Variants in PIGF observed in about 807,000 individuals in gnomAD.
The protein encoded by PIGF is GPI ethanolamine phosphate transferase, stabilizing subunit.
In PIGF, 23 loss-of-function variants were observed where a neutral mutation model predicts 26.0. The ratio of observed to expected loss-of-function variants is 0.88; its 90% CI spans 0.64 to 1.25. The LOEUF (loss-of-function observed/expected upper bound fraction) is 1.25. Ranked by LOEUF, PIGF falls within the 50% of genes most tolerant of loss-of-function variation. PIGF has a pLI of 0.00. For missense variants in PIGF, 278 were observed against 249.9 expected (o/e 1.11, Z -0.76); for synonymous variants, 93 against 92.6 (o/e 1.00, Z -0.03).
chr2:46,616,870 CG>C (rs1670655678), intron 1 of PIGF, 99 bp downstream of exon 1: 2 of 316,448 alleles, frequency 6.3e-6, no homozygotes, highest in African/African-American at 2.2e-5. Flanking sequence ...CGGCGAGCGC[CG>C]GCGGGTCGGG....
chr2:46,613,254 C>T (rs1004503436), intron 3 of PIGF, among the ~76,000 whole-genome samples: 4 of 152,006 alleles, frequency 2.6e-5, no homozygotes, highest in African/African-American at 9.7e-5. Flanking sequence ...TTAAATTTTA[C>T]CTTTAAACTA....
At chr2:46,603,022 T>C (rs1000844119) in intron 4 of PIGF, among the ~76,000 whole-genome samples, 15 of 151,954 alleles carry the variant, frequency 9.9e-5, no homozygotes, top group African/African-American at 3.6e-4. Context: ...AGTTGCAGGA[T>C]ACAAAATCAA....
chr2:46,615,450 CA>C (rs1670586368), intron 1 of PIGF: 1 of 288,276 alleles, frequency 3.5e-6, no homozygotes. Context: ...CTGGTTTCTG[CA>C]AAAGGGTCAT....
intron 5 of PIGF, chr2:46,591,333 C>T (rs1370218338): frequency 6.3e-6 from 1 of 159,280 alleles, no homozygotes; most frequent in Non-Finnish European, 1.3e-5. Flanking sequence ...CAAAAATTAT[C>T]ACCAAAAGCA....
intron 4 of PIGF, among the ~76,000 whole-genome samples, chr2:46,595,400 C>T (rs1225564656): frequency 6.6e-6 from 1 of 152,178 alleles, no homozygotes; most frequent in African/African-American, 2.4e-5. Flanking sequence ...ATAATGTTTT[C>T]AAGGTTCATC....
At chr2:46,587,957 G>C (rs543518920) in intron 5 of PIGF, 78 of 719,896 alleles carry the variant, frequency 1.1e-4, no homozygotes, top group Non-Finnish European at 1.5e-4. Flanking sequence ...TGGTGTAGTG[G>C]GGCTCTCATG....
chr2:46,604,338 G>C (rs1251461106), intron 4 of PIGF, among the ~76,000 whole-genome samples: 2 of 151,974 alleles, frequency 1.3e-5, no homozygotes, highest in Non-Finnish European at 2.9e-5. Context: ...ATATGATCCA[G>C]CAATCACATT....
chr2:46,607,851 C>T (rs1179269821), intron 4 of PIGF, among the ~76,000 whole-genome samples: 1 of 152,062 alleles, frequency 6.6e-6, no homozygotes, highest in Admixed American at 6.6e-5. Flanking sequence ...CCTACCAGCA[C>T]GCCCAGCTAA....
chr2:46,609,474 T>C (rs1441752386), intron 4 of PIGF, among the ~76,000 whole-genome samples: 2 of 152,202 alleles, frequency 1.3e-5, no homozygotes, highest in African/African-American at 2.4e-5. Flanking sequence ...AACTTTTCCT[T>C]TGCATTCACA....
intron 5 of PIGF, among the ~76,000 whole-genome samples, chr2:46,586,508 C>G (rs1187706544): frequency 1.3e-5 from 2 of 152,024 alleles, no homozygotes; most frequent in Non-Finnish European, 2.9e-5. Context: ...AGAAACTGAC[C>G]TATCTGCAAA....
chr2:46,591,629 A>G, intron 5 of PIGF: 2 of 935,590 alleles, frequency 2.1e-6, no homozygotes, highest in Non-Finnish European at 2.5e-6. Context: ...AATCTAAATG[A>G]TCAATAGTGA....
intron 1 of PIGF, chr2:46,616,423 A>T (rs1670630661): frequency 6.6e-6 from 1 of 152,532 alleles, no homozygotes; most frequent in South Asian, 2.1e-4. Flanking sequence ...CCAGCAGCAG[A>T]TGTGGATGTA....
chr2:46,598,529 A>ATTTTTTTTTTTTTTTTTTTTTTTTTT (rs747263045), intron 4 of PIGF, among the ~76,000 whole-genome samples: 4 of 103,512 alleles, frequency 3.9e-5, no homozygotes, highest in African/African-American at 8.9e-5. Context: ...ACATTATGAG[A>ATTTTTTTTTTTTTTTTTTTTTTTTTT]TTTTTTTTTT....
At chr2:46,599,367 T>C (rs1669987514) in intron 4 of PIGF, among the ~76,000 whole-genome samples, 1 of 152,196 alleles carries the variant, frequency 6.6e-6, no homozygotes. Context: ...GTGAAAACTG[T>C]CTTCTATCAC....
chr2:46,603,279 T>A (rs534055096), intron 4 of PIGF, among the ~76,000 whole-genome samples: 1 of 152,086 alleles, frequency 6.6e-6, no homozygotes, highest in African/African-American at 2.4e-5. Context: ...AAAATGTCCA[T>A]ACTACCCAAA....
At chr2:46,593,529 T>A (rs925747683) in intron 4 of PIGF, among the ~76,000 whole-genome samples, 5 of 152,202 alleles carry the variant, frequency 3.3e-5, no homozygotes, top group African/African-American at 1.2e-4. Context: ...TTTCAAAAGA[T>A]CTGGTGATTC....
At chr2:46,582,288 AAAAG>A (rs1195447592) in intron 5 of PIGF, 2 of 152,150 alleles carry the variant, frequency 1.3e-5, no homozygotes, top group Non-Finnish European at 2.9e-5. Flanking sequence ...CTTGAAAAAA[AAAAG>A]AAAAAAAAGT....
rs757730689 is a variant in PIGF, at chr2:46,615,001, T to A, written c.164A>T (p.Asn55Ile). The change falls in exon 2 of 6, where the codon AAT becomes ATT. Residue 55 changes from asparagine (N) to isoleucine (I), a missense_variant. By Grantham distance (149) the Asn-to-Ile change is moderately radical. Transcript: ENST00000281382. ...CICSGFVTAV[N>I]LVLYLVVKPN... ...TTTCACTACTAAATATAGTACTAGA[T>A]TGACAGCAGTTACAAAACCAGAACA... The A allele has an allele frequency of 1.2e-6, 2 of 1,608,532 alleles. No individual in the cohort carries two copies. The highest frequency in any genetic ancestry group is 1.6e-4 in the Middle Eastern group (1 of 6,072).
chr2:46,589,307 T>C lies in PIGF; in HGVS notation c.546+3168A>G, dbSNP rs1054127294. ...AAAAAACTTTTACATTGAGATCACA[T>C]ATTTTCAGTGGGCCTTTCCAGTCAT... is the stretch of plus-strand genomic sequence containing the variant. On this transcript the variant is annotated intron_variant, in intron 5 of 5. Coordinates refer to ENST00000281382, the MANE Select transcript of PIGF (RefSeq NM_002643.4). The surrounding 1 kb of genome is among the most constrained non-coding windows in gnomAD (Gnocchi z 4.7). Among the ~76,000 whole-genome samples the C allele has an allele frequency of 1.3e-5, 2 of 152,058 alleles. No homozygotes were observed. The highest frequency in any genetic ancestry group is 4.8e-5 in the African/African-American group (2 of 41,442).
Sources: allele counts gnomAD v4.1 joint callset (sites outside exome capture counted in the v4.1 genomes callset), GRCh38; gene constraint gnomAD v4.1.1; non-coding constraint Gnocchi (gnomAD v3.1); transcripts MANE v1.5; gene names NCBI Gene and HGNC (gene_info 2026-07-23, HGNC 2026-07-21).